Variants in RALGAPA2 observed in about 807,000 individuals in gnomAD.
The protein encoded by RALGAPA2 is ral GTPase-activating protein subunit alpha-2.
RALGAPA2 carries 139 observed loss-of-function variants against 230.4 expected under a neutral mutation model. The observed-to-expected ratio is 0.60, with a 90% CI of 0.53 to 0.69. The LOEUF (loss-of-function observed/expected upper bound fraction) is 0.69, where lower values mean the gene tolerates loss of function less well. Ranked by LOEUF, RALGAPA2 falls within the 30% of genes least tolerant of loss-of-function variation. The probability of loss-of-function intolerance (pLI) is 0.00; values close to 1 mark genes in which losing one functional copy is unlikely to be tolerated. For missense variants in RALGAPA2, 2,163 were observed against 2,276.0 expected, an observed-to-expected ratio of 0.95 and a Z score of 1.01; for synonymous variants, 847 against 837.8, an observed-to-expected ratio of 1.01 and a Z score of -0.19.
At chr20:20,666,193 T>A (rs2067952073) in intron 3 of RALGAPA2, among the ~76,000 whole-genome samples, 2 of 152,172 alleles carry the variant, frequency 1.3e-5, no homozygotes, top group Non-Finnish European at 2.9e-5. Context: ...CAGGGAGACT[T>A]TGGGGATGAG....
Position 20,485,381 on chromosome 20 carries a change from G to A in RALGAPA2, c.5367+9736C>T, listed in dbSNP as rs867101555. On this transcript the variant is annotated intron_variant, in intron 36 of 39. Coordinates refer to ENST00000202677, the MANE Select transcript of RALGAPA2 (RefSeq NM_020343.4). The stretch of plus-strand genomic sequence containing the variant: ...AATCTGTGTCTTCACATTTAAAGTG[G>A]GTCTCCTGTAGACAACATAAATAGT... Among the ~76,000 whole-genome samples the A allele has an allele frequency of 5.3e-5, 8 of 152,232 alleles. No homozygotes were observed. The South Asian group carries it at 8.3e-4, about 16-fold the overall frequency.
chr20:20,423,393 G>A (rs2060317889), intron 37 of RALGAPA2, among the ~76,000 whole-genome samples: 2 of 152,204 alleles, frequency 1.3e-5, no homozygotes, highest in Admixed American at 1.3e-4. Context: ...CCCACCAGAG[G>A]GTGGGCAGAA....
intron 10 of RALGAPA2, 117 bp downstream of exon 10, chr20:20,629,246 T>C: frequency 1.3e-6 from 1 of 789,614 alleles, no homozygotes; most frequent in Non-Finnish European, 2.1e-6. Context: ...ATAACCCAAC[T>C]CACCAATTCT....
At chr20:20,579,665 A>T (rs922352198) in intron 20 of RALGAPA2, among the ~76,000 whole-genome samples, 2 of 152,218 alleles carry the variant, frequency 1.3e-5, no homozygotes, top group African/African-American at 4.8e-5. Context: ...CTTTTAAAAA[A>T]GACGTTTTCT....
intron 15 of RALGAPA2, among the ~76,000 whole-genome samples, chr20:20,602,393 T>C (rs538018659): frequency 1.3e-5 from 2 of 152,208 alleles, no homozygotes; most frequent in Admixed American, 1.3e-4. Context: ...CAATAAAACA[T>C]TGTAGTCTGA....
chr20:20,664,670 T>C (rs572463707), intron 3 of RALGAPA2, among the ~76,000 whole-genome samples: 1 of 152,214 alleles, frequency 6.6e-6, no homozygotes, highest in Admixed American at 6.5e-5. Context: ...CTAGCACTAG[T>C]TGGCCATCCG....
chr20:20,636,697 T>A (rs2066873394), intron 8 of RALGAPA2, among the ~76,000 whole-genome samples: 1 of 152,174 alleles, frequency 6.6e-6, no homozygotes, highest in South Asian at 2.1e-4. Context: ...TAATTATTCA[T>A]TTGAACTAGT....
chr20:20,516,457 A>T (rs910398565), intron 31 of RALGAPA2, among the ~76,000 whole-genome samples: 1 of 152,188 alleles, frequency 6.6e-6, no homozygotes, highest in African/African-American at 2.4e-5. Flanking sequence ...ATGGAATAAC[A>T]CTGCCCAGGA....
At chr20:20,625,893 T>C (rs1235994476) in intron 10 of RALGAPA2, among the ~76,000 whole-genome samples, 1 of 152,204 alleles carries the variant, frequency 6.6e-6, no homozygotes, top group African/African-American at 2.4e-5. Context: ...AGCCTTGTCC[T>C]ACTTCAGTTA....
In RALGAPA2 at chr20:20,685,949, C is replaced by T. The variant is rs143588665; in HGVS notation, c.107-5148G>A. On this transcript the variant is annotated intron_variant, in intron 1 of 39. Transcript: ENST00000202677. ...TCCAAATTAACCACAGAGAAGCAAA[C>T]GGCAGACAGCCTGGCAGAGCTAGAG... Among the ~76,000 whole-genome samples, 309 of 152,264 alleles carry T rather than the reference C, an allele frequency of 2.0e-3. 2 individuals are homozygous for T. The highest frequency in any genetic ancestry group is 2.3e-3 in the Non-Finnish European group (155 of 68,024).
chr20:20,619,218 A>G, intron 12 of RALGAPA2, 59 bp downstream of exon 12: 1 of 1,466,828 alleles, frequency 6.8e-7, no homozygotes, highest in Non-Finnish European at 9.1e-7. Context: ...AAACAAAAAG[A>G]CAAAATGGCT....
intron 35 of RALGAPA2, among the ~76,000 whole-genome samples, chr20:20,497,907 C>T (rs994046375): frequency 2.0e-5 from 3 of 152,172 alleles, no homozygotes; most frequent in Non-Finnish European, 4.4e-5. Flanking sequence ...GTTTAATTAG[C>T]TAAATCACAA....
chr20:20,464,240 C>A (rs551543445), intron 37 of RALGAPA2, among the ~76,000 whole-genome samples: 7 of 152,336 alleles, frequency 4.6e-5, no homozygotes, highest in African/African-American at 1.7e-4. Context: ...AGTTTGCGGA[C>A]TTTCCAACAA....
intron 4 of RALGAPA2, among the ~76,000 whole-genome samples, chr20:20,648,055 T>C (rs961990273): frequency 1.3e-5 from 2 of 152,192 alleles, no homozygotes; most frequent in East Asian, 3.8e-4. Context: ...GCTTTACTTA[T>C]AATAGCCCCA....
intron 3 of RALGAPA2, among the ~76,000 whole-genome samples, chr20:20,664,624 AACT>A (rs2067895669): frequency 1.3e-5 from 2 of 152,144 alleles, no homozygotes; most frequent in African/African-American, 4.8e-5. Context: ...TCTGCCTGAA[AACT>A]ACTGCATTTT....
At chr20:20,495,629 T>C (rs1412313352) in intron 35 of RALGAPA2, among the ~76,000 whole-genome samples, 3 of 152,238 alleles carry the variant, frequency 2.0e-5, no homozygotes, top group Admixed American at 1.3e-4. Context: ...ACAACACGTG[T>C]CTTTTATTCC....
intron 23 of RALGAPA2, among the ~76,000 whole-genome samples, chr20:20,558,640 C>T (rs944954292): frequency 1.3e-5 from 2 of 150,874 alleles, no homozygotes; most frequent in African/African-American, 2.4e-5. Context: ...AGGCTGGGGG[C>T]GGTGAGGGGA....
chr20:20,403,541 G>A (rs545213514), intron 38 of RALGAPA2, among the ~76,000 whole-genome samples: 1 of 152,138 alleles, frequency 6.6e-6, no homozygotes, highest in African/African-American at 2.4e-5. Context: ...TTCCTTCTCC[G>A]TGGTGATCTA....
intron 1 of RALGAPA2, among the ~76,000 whole-genome samples, chr20:20,710,804 A>G (rs2069825415): frequency 6.6e-6 from 1 of 152,238 alleles, no homozygotes; most frequent in Admixed American, 6.5e-5. Flanking sequence ...TTAATCTTGC[A>G]GACCTGGACA....
Sources: allele counts gnomAD v4.1 joint callset (sites outside exome capture counted in the v4.1 genomes callset), GRCh38; gene constraint gnomAD v4.1.1; transcripts MANE v1.5; gene names NCBI Gene and HGNC (gene_info 2026-07-23, HGNC 2026-07-21).